DCHS1: variants seen among roughly 807,000 people sequenced by gnomAD.
DCHS1 encodes dachsous cadherin-related 1.
A neutral mutation model predicts 213.9 loss-of-function variants in DCHS1; 78 were observed. The ratio of observed to expected loss-of-function variants is 0.36; its 90% CI spans 0.30 to 0.44. The LOEUF is 0.44. Ranked by LOEUF, DCHS1 falls within the 20% of genes least tolerant of loss-of-function variation. DCHS1 has a pLI of 1.00. For synonymous variants in DCHS1, 1,828 were observed against 1,873.7 expected (o/e 0.98, Z 0.63); for missense variants, 3,946 against 4,395.9 (o/e 0.90, Z 2.89).
Position 6,640,127 on chromosome 11 carries a change from G to A in DCHS1, c.1487C>T (p.Thr496Ile). 6.2e-7 allele frequency: 1 copy of A among 1,613,680 alleles called. No individual in the cohort carries two copies. Among genetic ancestry groups the A allele is most frequent in the Non-Finnish European group, 8.5e-7 (1 of 1,179,754 alleles). The change falls in exon 2 of 21, where the codon ACT becomes ATT. Residue 496 changes from threonine (T) to isoleucine (I), a missense_variant. This residue lies in a region of DCHS1 where 3,384 missense variants were observed against 3,780.1 expected (regional missense o/e 0.90). Transcript: ENST00000299441. This position sits in a 1 kb window ranked among gnomAD's most constrained non-coding sequence, Gnocchi z 6.5. The stretch of plus-strand genomic sequence containing the variant: ...GGTGCCTTGGTCAGGATCCCGAGCA[G>A]TCACCCGCACTACAAAGCTGCCAGG... ...ALPGSFVVRV[T>I]ARDPDQGTNG...
intron 1 of DCHS1, among the ~76,000 whole-genome samples, chr11:6,642,358 C>T (rs771392357): frequency 1.3e-5 from 2 of 152,082 alleles, no homozygotes; most frequent in Non-Finnish European, 2.9e-5. Flanking sequence ...AGGAGTTGAA[C>T]AAGTAATTAC....
chr11:6,631,224 G>A lies in DCHS1; in HGVS notation c.3773-14C>T. On this transcript the variant is annotated splice_polypyrimidine_tract_variant and intron_variant, in intron 8 of 20. Transcript: ENST00000299441. ...CTGAGCCAGGACCTGGGGACAGGCA[G>A]AGGAAGATGAGGGCTTGGGGCCCAG... is the stretch of plus-strand genomic sequence containing the variant. 6.2e-7 allele frequency: 1 copy of A among 1,612,356 alleles called. No individual in the cohort carries two copies. Among genetic ancestry groups the A allele is most frequent in the Non-Finnish European group, 8.5e-7 (1 of 1,178,532 alleles).
chr11:6,629,553 C>T lies in DCHS1; in HGVS notation c.5060G>A (p.Gly1687Glu), dbSNP rs745752872. ...AGAAAAGCTTTCGCTAGAGACGCCTCCATAAGTCACTTGCCCGTTGGCCCC... is the reference window on the plus strand; with the variant it reads ...AGAAAAGCTTTCGCTAGAGACGCCTTCATAAGTCACTTGCCCGTTGGCCCC... ...DVGANGQVTY[G>E]GVSSESFSLD... The change falls in exon 12 of 21, where the codon GGA becomes GAA. Residue 1687 changes from glycine (G) to glutamate (E), a missense_variant. Around this residue, in one of 3 missense-constraint regions of DCHS1, gnomAD observed 3,384 missense variants for 3,780.1 expected, o/e 0.90. Coordinates refer to ENST00000299441, the MANE Select transcript of DCHS1 (RefSeq NM_003737.4). 2.5e-6 allele frequency: 4 copies of T among 1,613,700 alleles called. No homozygotes were observed. Among genetic ancestry groups the T allele is most frequent in the Non-Finnish European group, 3.4e-6 (4 of 1,179,742 alleles).
intron 12 of DCHS1, among the ~76,000 whole-genome samples, chr11:6,629,250 G>A (rs776046454): frequency 3.9e-5 from 6 of 152,186 alleles, no homozygotes; most frequent in Admixed American, 1.3e-4. Context: ...GAATTTGTAC[G>A]GTCACAGTTG....
intron 2 of DCHS1, 79 bp downstream of exon 2, chr11:6,639,738 G>A: frequency 1.6e-6 from 2 of 1,255,524 alleles, no homozygotes; most frequent in South Asian, 2.9e-5. Flanking sequence ...GACCTTGTAA[G>A]GCTTGGTTCC....
chr11:6,625,035 G>C lies in DCHS1; in HGVS notation c.7146+163C>G, dbSNP rs984021998. ...AAATGCCCACCTTCTCCCCTTTCTG[G>C]GTACAGGATGCAAAACCAGGATGTA... is the stretch of plus-strand genomic sequence containing the variant. On this transcript the variant is annotated intron_variant, in intron 19 of 20. Coordinates refer to ENST00000299441, the MANE Select transcript of DCHS1 (RefSeq NM_003737.4). This position sits in a 1 kb window ranked among gnomAD's most constrained non-coding sequence, Gnocchi z 5.3. 3.9e-5 allele frequency among the ~76,000 whole-genome samples: 6 copies of C among 152,118 alleles called. No individual in the cohort carries two copies. Among genetic ancestry groups the C allele is most frequent in the African/African-American group, 1.4e-4 (6 of 41,398 alleles).
intron 8 of DCHS1, 25 bp downstream of exon 8, chr11:6,631,286 A>G: frequency 6.2e-7 from 1 of 1,613,830 alleles, no homozygotes; most frequent in Non-Finnish European, 8.5e-7. Context: ...ATCACCCACC[A>G]ATTCTCCTCT....
Position 6,625,458 on chromosome 11 carries a change from C to G in DCHS1, c.6886G>C (p.Ala2296Pro). ...SEDALLGSEI[A>P]QVTGNDVDSG... ...TCCACATCATTCCCTGTTACCTGTG[C>G]AATCTCTGAGCCCAATAACGCATCT... The change falls in exon 19 of 21, where the codon GCA (alanine) becomes CCA (proline). Residue 2296 changes from alanine (A) to proline (P), a missense_variant. Physicochemically the swap from Ala to Pro is conservative, Grantham distance 27 (BLOSUM62 -1). Coordinates refer to ENST00000299441, the MANE Select transcript of DCHS1 (RefSeq NM_003737.4). This position sits in a 1 kb window ranked among gnomAD's most constrained non-coding sequence, Gnocchi z 5.3. 6.2e-7 allele frequency: 1 copy of G among 1,602,158 alleles called. No individual in the cohort carries two copies. The highest frequency in any genetic ancestry group is 8.5e-7 in the Non-Finnish European group (1 of 1,173,470).
In DCHS1 at chr11:6,640,485, C is replaced by T; in HGVS notation, c.1129G>A (p.Glu377Lys). Residue 377 changes from glutamate (E) to lysine (K), a missense_variant, in exon 2 of 21, where the codon GAG (glutamate) becomes AAG (lysine). Physicochemically the swap from Glu to Lys is moderately conservative, Grantham distance 56 (BLOSUM62 1). This residue lies in a region of DCHS1 where 3,384 missense variants were observed against 3,780.1 expected (regional missense o/e 0.90). Coordinates refer to ENST00000299441, the MANE Select transcript of DCHS1 (RefSeq NM_003737.4). This position sits in a 1 kb window ranked among gnomAD's most constrained non-coding sequence, Gnocchi z 6.5. Reference sequence around the variant, plus strand: ...ACGAGCTGTCCAGGTGGGGCGGCCTCAGACACTTGGGGGGAGCCATCTGCA... The same window carrying T: ...ACGAGCTGTCCAGGTGGGGCGGCCTTAGACACTTGGGGGGAGCCATCTGCA... ...LSADGSPQVS[E>K]AAPPGQLVAR... The T allele has an allele frequency of 1.2e-6, 2 of 1,613,554 alleles. No homozygotes were observed. The highest frequency in any genetic ancestry group is 1.7e-6 in the Non-Finnish European group (2 of 1,179,890).
chr11:6,649,204 A>G (rs917375816), intron 1 of DCHS1, among the ~76,000 whole-genome samples: 1 of 151,118 alleles, frequency 6.6e-6, no homozygotes, highest in African/African-American at 2.4e-5. Flanking sequence ...ATTTAGAATG[A>G]TCTAGAATGC....
At position 6,640,157 on chromosome 11, in the gene DCHS1, G is replaced by A. The variant is rs147698268; in HGVS notation, c.1457C>T (p.Ala486Val). Residue 486 changes from alanine (A) to valine (V), a missense_variant, in exon 2 of 21, where the codon GCG becomes GTG. Ala to Val is a moderately conservative substitution (Grantham distance 64). This residue lies in a region of DCHS1 where 3,384 missense variants were observed against 3,780.1 expected (regional missense o/e 0.90). Coordinates refer to ENST00000299441, the MANE Select transcript of DCHS1 (RefSeq NM_003737.4). This position sits in a 1 kb window ranked among gnomAD's most constrained non-coding sequence, Gnocchi z 6.5. ...LYRPEPLPEV[A>V]LPGSFVVRVT... Reference sequence around the variant, plus strand: ...CCGCACTACAAAGCTGCCAGGCAGCGCAACCTCAGGCAGGGGCTCAGGTCG... The same window carrying A: ...CCGCACTACAAAGCTGCCAGGCAGCACAACCTCAGGCAGGGGCTCAGGTCG... The A allele has an allele frequency of 9.8e-5, 158 of 1,613,564 alleles. No homozygotes were observed. The highest frequency in any genetic ancestry group is 9.7e-4 in the African/African-American group (73 of 75,030).
intron 5 of DCHS1, 40 bp downstream of exon 5, chr11:6,633,372 T>C: frequency 6.5e-7 from 1 of 1,530,946 alleles, no homozygotes; most frequent in Non-Finnish European, 8.8e-7. Flanking sequence ...TACTGGGGTA[T>C]TTGGGTCTGA....
intron 1 of DCHS1, among the ~76,000 whole-genome samples, chr11:6,650,814 G>C (rs1856232243): frequency 6.6e-6 from 1 of 152,118 alleles, no homozygotes; most frequent in South Asian, 2.1e-4. Flanking sequence ...GCAAACTTCT[G>C]GTACTTCTTA....
Position 6,630,419 on chromosome 11 carries a change from G to A in DCHS1, c.4375C>T (p.Arg1459Cys), listed in dbSNP as rs770948061. 8 of 1,451,578 alleles carry A rather than the reference G, an allele frequency of 5.5e-6. No individual in the cohort carries two copies. Among genetic ancestry groups the A allele is most frequent in the Middle Eastern group, 2.0e-4 (1 of 5,040 alleles). 89.9% of individuals were successfully genotyped at this position (1,451,578 alleles called of 1,614,324 possible). The change falls in exon 10 of 21, where the codon CGC becomes TGC. Residue 1459 changes from arginine to cysteine, a missense_variant. Arg to Cys is a radical substitution (Grantham distance 180). This residue lies in a region of DCHS1 where 3,384 missense variants were observed against 3,780.1 expected (regional missense o/e 0.90). Coordinates refer to ENST00000299441, the MANE Select transcript of DCHS1 (RefSeq NM_003737.4). ...PEPGAALYTF[R>C]ASDADGPGPN... The stretch of plus-strand genomic sequence containing the variant: ...CCGGGGCCGTCGGCGTCCGACGCGC[G>A]GAAAGTGTACAGCGCTGCGCCGGGC...
chr11:6,646,248 C>T lies in DCHS1; in HGVS notation c.-120-4515G>A, dbSNP rs147573996. Among the ~76,000 whole-genome samples, 863 of 152,284 alleles carry T rather than the reference C, an allele frequency of 5.7e-3. 7 individuals carry two copies. The highest frequency in any genetic ancestry group is 0.02 in the African/African-American group (812 of 41,554). Reference sequence around the variant, plus strand: ...ACCCACCCACACGCAGGCATGCTCTCGCACATGCTGCCGGGGCACTCGTGG... The same window carrying T: ...ACCCACCCACACGCAGGCATGCTCTTGCACATGCTGCCGGGGCACTCGTGG... On this transcript the variant is annotated intron_variant, in intron 1 of 20. Transcript: ENST00000299441.
Position 6,624,359 on chromosome 11 carries a change from GGCCACT to G in DCHS1, c.7311_7316del (p.Val2438_Ala2439del), listed in dbSNP as rs1228082628. 1 of 1,574,382 alleles carries G rather than the reference GGCCACT, an allele frequency of 6.4e-7. No homozygotes were observed. Among genetic ancestry groups the G allele is most frequent in the African/African-American group, 1.4e-5 (1 of 74,072 alleles). ...CTGCTCCTGACCCGTCATGGCCCAA[GGCCACT>G]GTTCCCACTATTGTGAACAGGGTCC... is the stretch of plus-strand genomic sequence containing the variant. On this transcript the variant is annotated inframe_deletion, in exon 21 of 21. Coordinates refer to ENST00000299441, the MANE Select transcript of DCHS1 (RefSeq NM_003737.4).
chr11:6,632,580 G>A lies in DCHS1; in HGVS notation c.2932C>T (p.Arg978Cys), dbSNP rs201160085. The A allele has an allele frequency of 5.3e-4, 795 of 1,512,626 alleles. No individual in the cohort carries two copies. The highest frequency in any genetic ancestry group is 6.6e-4 in the Non-Finnish European group (742 of 1,127,176). 93.7% of individuals were successfully genotyped at this position (1,512,626 alleles called of 1,614,324 possible). A position where few individuals can be genotyped will look rare whatever the true frequency, so the allele number is the denominator to read the frequency against. Residue 978 changes from arginine to cysteine, a missense_variant, in exon 6 of 21, where the codon CGC becomes TGC. Coordinates refer to ENST00000299441, the MANE Select transcript of DCHS1 (RefSeq NM_003737.4). This position sits in a 1 kb window ranked among gnomAD's most constrained non-coding sequence, Gnocchi z 5.9. ...ACCCGTAGTCGAAAGTGGCTGGTGC[G>A]TGGTGGGGAGCCCCCATCCCGGGCC... ...LEARDGGSPP[R>C]TSHFRLRVVV...
At chr11:6,655,159 T>A (rs1393555854) in intron 1 of DCHS1, among the ~76,000 whole-genome samples, 1 of 152,106 alleles carries the variant, frequency 6.6e-6, no homozygotes, top group Non-Finnish European at 1.5e-5. Context: ...TCACAGGGAC[T>A]CGCTCACCAT....
Position 6,623,897 on chromosome 11 carries a change from T to G in DCHS1, c.7779A>C (p.Leu2593=). ...SSVVPVTVTV[L]DVNDNPPVFT... ...AGACAGGTGGGTTGTCATTGACATCTAGTACAGTGACAGTGACTGGCACGA... is the reference window on the plus strand; with the variant it reads ...AGACAGGTGGGTTGTCATTGACATCGAGTACAGTGACAGTGACTGGCACGA... The change falls in exon 21 of 21, where the codon CTA becomes CTC. Residue 2593 remains leucine (L), a synonymous_variant. Coordinates refer to ENST00000299441, the MANE Select transcript of DCHS1 (RefSeq NM_003737.4). 1.2e-6 allele frequency: 2 copies of G among 1,610,116 alleles called. No individual in the cohort carries two copies. Among genetic ancestry groups the G allele is most frequent in the Non-Finnish European group, 1.7e-6 (2 of 1,177,046 alleles).
Sources: gnomAD v4.1 joint callset for allele counts (sites outside exome capture counted in the v4.1 genomes callset) on GRCh38, gnomAD v4.1.1 for gene constraint, gnomAD v4.1.1 regional missense constraint, Gnocchi (gnomAD v3.1) non-coding constraint, MANE v1.5 for transcripts, NCBI Gene and HGNC (gene_info 2026-07-23, HGNC 2026-07-21) for gene names.